BRINP3: variants seen among roughly 807,000 people sequenced by gnomAD.
BRINP3 encodes the protein BMP/retinoic acid-inducible neural-specific protein 3.
BRINP3 carries 19 observed loss-of-function variants against 71.0 expected under a neutral mutation model. The ratio of observed to expected loss-of-function variants is 0.27; its 90% CI spans 0.19 to 0.39. BRINP3 has a LOEUF of 0.39. Ranked by LOEUF, BRINP3 falls within the 10% of genes least tolerant of loss-of-function variation. The pLI, the probability that BRINP3 is intolerant of heterozygous loss-of-function variation, is 1.00. For synonymous variants in BRINP3, 380 were observed against 337.7 expected, an observed-to-expected ratio of 1.13 and a Z score of -1.37; for missense variants, 959 against 940.8, an observed-to-expected ratio of 1.02 and a Z score of -0.25.
At chr1:190,412,392 A>ATG (rs1462228113) in intron 2 of BRINP3, among the ~76,000 whole-genome samples, 1 of 66,866 alleles carries the variant, frequency 1.5e-5, no homozygotes, top group African/African-American at 4.7e-5. Flanking sequence ...AGATATATAT[A>ATG]TATTATATAT....
At chr1:190,290,959 C>T (rs1663817754) in intron 2 of BRINP3, among the ~76,000 whole-genome samples, 1 of 150,194 alleles carries the variant, frequency 6.7e-6, no homozygotes, top group South Asian at 2.1e-4. Context: ...ATGGGAGAGA[C>T]AGAAAAAGAT....
intron 1 of BRINP3, among the ~76,000 whole-genome samples, chr1:190,459,294 AATAAT>A (rs988339193): frequency 3.1e-4 from 47 of 151,756 alleles, no homozygotes; most frequent in Non-Finnish European, 1.0e-4. Context: ...TAAATGCATA[AATAAT>A]ATGTGTATAA....
intron 2 of BRINP3, among the ~76,000 whole-genome samples, chr1:190,325,833 T>A (rs1666545443): frequency 6.6e-6 from 1 of 152,122 alleles, no homozygotes; most frequent in African/African-American, 2.4e-5. Flanking sequence ...TTTGTCATTT[T>A]CACATGTTGT....
chr1:190,299,070 G>T (rs1664471842), intron 2 of BRINP3, among the ~76,000 whole-genome samples: 1 of 152,114 alleles, frequency 6.6e-6, no homozygotes, highest in Admixed American at 6.5e-5. Flanking sequence ...GTCTCTGTTA[G>T]ATTTCTTTGC....
intron 6 of BRINP3, among the ~76,000 whole-genome samples, chr1:190,182,763 A>G (rs908788994): frequency 2.0e-5 from 3 of 152,144 alleles, no homozygotes; most frequent in African/African-American, 7.2e-5. Context: ...CTTACCAGAA[A>G]GACAAACAAT....
At chr1:190,220,969 A>G (rs1428063560) in intron 6 of BRINP3, among the ~76,000 whole-genome samples, 2 of 152,138 alleles carry the variant, frequency 1.3e-5, no homozygotes, top group Admixed American at 6.6e-5. Context: ...TAATAGCTAT[A>G]GCAACTTTCT....
intron 3 of BRINP3, among the ~76,000 whole-genome samples, chr1:190,277,087 T>TCTATA (rs1553276640): frequency 2.8e-5 from 1 of 36,006 alleles, no homozygotes; most frequent in African/African-American, 6.3e-5. Context: ...AATTTTGGTT[T>TCTATA]TATATATATA....
intron 6 of BRINP3, among the ~76,000 whole-genome samples, chr1:190,175,459 A>G (rs2102513565): frequency 6.6e-6 from 1 of 152,298 alleles, no homozygotes; most frequent in Middle Eastern, 3.4e-3. Flanking sequence ...GTAGTTCACA[A>G]TATATTACTT....
chr1:190,440,473 C>G (rs572360546), intron 2 of BRINP3, among the ~76,000 whole-genome samples: 2 of 151,954 alleles, frequency 1.3e-5, no homozygotes, highest in Non-Finnish European at 2.9e-5. Context: ...GTGATGTTAT[C>G]CTACATATCA....
At chr1:190,143,112 C>T (rs1655596119) in intron 7 of BRINP3, among the ~76,000 whole-genome samples, 1 of 152,068 alleles carries the variant, frequency 6.6e-6, no homozygotes, top group African/African-American at 2.4e-5. Flanking sequence ...ATATACAAAA[C>T]ATAGAACTAT....
At position 190,226,317 on chromosome 1, in the gene BRINP3, C is replaced by G. The variant is rs1199525987; in HGVS notation, c.726G>C (p.Gly242=). 3 of 1,530,522 alleles carry G rather than the reference C, an allele frequency of 2.0e-6. No homozygotes were observed. The highest frequency in any genetic ancestry group is 1.3e-5 in the South Asian group (1 of 77,354). The allele number at this position is 1,530,522 out of a possible 1,614,324, so 94.8% of individuals were successfully genotyped here. A position where few individuals can be genotyped will look rare whatever the true frequency, so the allele number is the denominator to read the frequency against. The change falls in exon 6 of 8, where the codon GGG becomes GGC. Residue 242 remains glycine, a splice_region_variant and synonymous_variant. Transcript: ENST00000367462. ...QSPENKIQLQ[G]LQVLLPDYLQ... ...GATAGTCTGGGAGAAGTACTTGAAG[C>G]CCTTGAAGAACAAACAAAGAAATTA... is the stretch of plus-strand genomic sequence containing the variant.
chr1:190,315,232 A>T (rs1178139261), intron 2 of BRINP3, among the ~76,000 whole-genome samples: 2 of 152,110 alleles, frequency 1.3e-5, no homozygotes, highest in Admixed American at 6.6e-5. Flanking sequence ...TGAATTTAAG[A>T]TTAGATGCCA....
chr1:190,405,629 C>T (rs201659603), intron 2 of BRINP3, among the ~76,000 whole-genome samples: 10 of 151,904 alleles, frequency 6.6e-5, no homozygotes, highest in African/African-American at 1.9e-4. Flanking sequence ...CACATTAGGA[C>T]GCAAGACACA....
chr1:190,125,257 A>T (rs1653990529), intron 7 of BRINP3, among the ~76,000 whole-genome samples: 1 of 151,758 alleles, frequency 6.6e-6, no homozygotes, highest in Non-Finnish European at 1.5e-5. Flanking sequence ...AATAGTGAAC[A>T]TGTCTATATA....
chr1:190,192,907 G>A (rs542642223), intron 6 of BRINP3, among the ~76,000 whole-genome samples: 55 of 151,948 alleles, frequency 3.6e-4, no homozygotes, highest in Non-Finnish European at 7.1e-4. Context: ...TGTTTAATTT[G>A]TTGTTTTATG....
At chr1:190,476,938 A>C (rs1677539775) in intron 1 of BRINP3, among the ~76,000 whole-genome samples, 1 of 152,204 alleles carries the variant, frequency 6.6e-6, no homozygotes, top group Non-Finnish European at 1.5e-5. Context: ...GTCTTGCTAA[A>C]TTCATAAAAA....
At position 190,409,842 on chromosome 1, in the gene BRINP3, G is replaced by A. The variant is rs115606003; in HGVS notation, c.236+44813C>T. ...TGATAAAAATATTTGACTCTTTATGGGTAAAGAGTAATGAATGAGAGAGGC... is the reference window on the plus strand; with the variant it reads ...TGATAAAAATATTTGACTCTTTATGAGTAAAGAGTAATGAATGAGAGAGGC... On this transcript the variant is annotated intron_variant, in intron 2 of 7. Transcript: ENST00000367462. Among the ~76,000 whole-genome samples the A allele has an allele frequency of 8.7e-3, 1,329 of 152,104 alleles. 12 individuals carry two copies. Among genetic ancestry groups the A allele is most frequent in the African/African-American group, 0.029 (1,193 of 41,492 alleles).
chr1:190,152,828 C>A (rs1656534964), intron 7 of BRINP3, among the ~76,000 whole-genome samples: 1 of 152,028 alleles, frequency 6.6e-6, no homozygotes. Context: ...TAGTGACTGG[C>A]ATGGCTGACA....
chr1:190,364,729 T>C (rs1669375478), intron 2 of BRINP3, among the ~76,000 whole-genome samples: 1 of 152,150 alleles, frequency 6.6e-6, no homozygotes, highest in Admixed American at 6.6e-5. Context: ...CAATAAAATA[T>C]AGTTGAACCA....
Sources: allele counts gnomAD v4.1 joint callset (sites outside exome capture counted in the v4.1 genomes callset), GRCh38; gene constraint gnomAD v4.1.1; transcripts MANE v1.5; gene names NCBI Gene and HGNC (gene_info 2026-07-23, HGNC 2026-07-21).